The following KIAA2012 variants were observed in gnomAD, a reference collection of about 807,000 sequenced individuals.
The protein encoded by KIAA2012 is KIAA2012.
A neutral mutation model predicts 150.6 loss-of-function variants in KIAA2012; 125 were observed. The observed-to-expected ratio is 0.83, with a 90% CI of 0.72 to 0.96. KIAA2012 has a LOEUF of 0.96. KIAA2012 is among the 40% of genes least tolerant of loss of function. The pLI, the probability that KIAA2012 is intolerant of heterozygous loss-of-function variation, is 0.00. For synonymous variants in KIAA2012, 462 were observed against 504.7 expected, an observed-to-expected ratio of 0.92 and a Z score of 1.13; for missense variants, 1,219 against 1,354.9, an observed-to-expected ratio of 0.90 and a Z score of 1.57.
chr2:202,099,054 C>T (rs1464752755), intron 5 of KIAA2012, among the ~76,000 whole-genome samples: 1 of 152,032 alleles, frequency 6.6e-6, no homozygotes, highest in Non-Finnish European at 1.5e-5. Context: ...GAGGTGCTAC[C>T]ACAGTTCACT....
chr2:202,185,289 C>T (rs1001971175), intron 16 of KIAA2012, among the ~76,000 whole-genome samples: 4 of 152,134 alleles, frequency 2.6e-5, no homozygotes, highest in Non-Finnish European at 4.4e-5. Context: ...ACTGTACTTA[C>T]GCGCTTACTG....
At chr2:202,204,207 G>A (rs570699385) in intron 23 of KIAA2012, among the ~76,000 whole-genome samples, 2 of 151,738 alleles carry the variant, frequency 1.3e-5, no homozygotes, top group African/African-American at 4.8e-5. Flanking sequence ...CTCCCAAGTA[G>A]CTGAGACTAT....
Position 202,075,036 on chromosome 2 carries a change from G to T in KIAA2012, c.230G>T (p.Gly77Val), listed in dbSNP as rs1310750376. 1 of 1,550,580 alleles carries T rather than the reference G, an allele frequency of 6.4e-7. No individual in the cohort carries two copies. Among genetic ancestry groups the T allele is most frequent in the Admixed American group, 2.0e-5 (1 of 50,998 alleles). The change falls in exon 2 of 24, where the codon GGT becomes GTT. Residue 77 changes from glycine to valine, a missense_variant. Coordinates refer to ENST00000498697, the MANE Select transcript of KIAA2012 (RefSeq NM_001277372.4). The part of the protein sequence containing the change: ...RKGALILYSE[G>V]FAISAWTPKE... ...GGTGCCCTGATCCTGTACTCAGAAG[G>T]TTTTGCCATTTCGGCATGGACACCC...
Position 202,104,827 on chromosome 2 carries a change from G to A in KIAA2012, c.1325-934G>A, listed in dbSNP as rs1056358811. On this transcript the variant is annotated intron_variant, in intron 8 of 23. Coordinates refer to ENST00000498697, the MANE Select transcript of KIAA2012 (RefSeq NM_001277372.4). This position sits in a 1 kb window ranked among gnomAD's most constrained non-coding sequence, Gnocchi z 4.3. ...TCAGGTCCCAGACATCAAAACATCA[G>A]AATGAAAAGATACACTTAATAAAAA... is the stretch of plus-strand genomic sequence containing the variant. 6.6e-6 allele frequency among the ~76,000 whole-genome samples: 1 copy of A among 152,170 alleles called. No individual in the cohort carries two copies. Among genetic ancestry groups the A allele is most frequent in the African/African-American group, 2.4e-5 (1 of 41,434 alleles).
chr2:202,184,621 T>G lies in KIAA2012; in HGVS notation c.2120-132T>G, dbSNP rs1692187235. On this transcript the variant is annotated intron_variant, in intron 15 of 23. Coordinates refer to ENST00000498697, the MANE Select transcript of KIAA2012 (RefSeq NM_001277372.4). ...GTTTCTGAAGTATTTGCTAATTTTC[T>G]GGGTATAGCATACGTCATTGTTCTA... 8 of 494,822 alleles carry G rather than the reference T, an allele frequency of 1.6e-5. No homozygotes were observed. The East Asian group carries it at 2.8e-4, about 17-fold the overall frequency. The allele number at this position is 494,822 out of a possible 1,614,324, so 30.7% of individuals were successfully genotyped here.
intron 11 of KIAA2012, among the ~76,000 whole-genome samples, chr2:202,122,891 G>A (rs1474008240): frequency 6.6e-6 from 1 of 152,126 alleles, no homozygotes. Context: ...GTAATTAAGC[G>A]AAAACAACAA....
chr2:202,170,090 T>C (rs1691854693), intron 15 of KIAA2012, among the ~76,000 whole-genome samples: 1 of 152,182 alleles, frequency 6.6e-6, no homozygotes. Context: ...CTTCACTGTG[T>C]CCTACATAAA....
chr2:202,088,791 C>T (rs550392506), intron 2 of KIAA2012, among the ~76,000 whole-genome samples: 10 of 152,304 alleles, frequency 6.6e-5, no homozygotes, highest in African/African-American at 2.4e-4. Flanking sequence ...CCCACAATAT[C>T]GAGCCCCTAG....
At chr2:202,173,693 T>C (rs970780938) in intron 15 of KIAA2012, among the ~76,000 whole-genome samples, 5 of 152,218 alleles carry the variant, frequency 3.3e-5, no homozygotes, top group Admixed American at 3.3e-4. Flanking sequence ...GTATTAACAA[T>C]ACACACAACT....
chr2:202,204,291 G>C (rs527636740), intron 23 of KIAA2012, among the ~76,000 whole-genome samples: 1 of 151,984 alleles, frequency 6.6e-6, no homozygotes, highest in South Asian at 2.1e-4. Flanking sequence ...TGCTCAGGCT[G>C]GTCTCAAAAT....
chr2:202,116,489 T>TG (rs1690530232), intron 11 of KIAA2012: 1 of 155,264 alleles, frequency 6.4e-6, no homozygotes, highest in Admixed American at 6.8e-5. Context: ...TTTTTTTTTT[T>TG]GAGATGGGGT....
intron 22 of KIAA2012, among the ~76,000 whole-genome samples, chr2:202,201,000 C>T (rs1266645447): frequency 6.6e-6 from 1 of 152,168 alleles, no homozygotes. Flanking sequence ...GCCACCGCGC[C>T]TGGCCGTAAT....
intron 5 of KIAA2012, 95 bp downstream of exon 5, chr2:202,097,672 C>A: frequency 2.2e-6 from 3 of 1,359,350 alleles, no homozygotes; most frequent in South Asian, 1.4e-5. Flanking sequence ...TCACTGCAAC[C>A]TCCGCCTCCT....
In KIAA2012 at chr2:202,093,163, A is replaced by G. The variant is rs772645957; in HGVS notation, c.663A>G (p.Gln221=). The change falls in exon 4 of 24, where the codon CAA becomes CAG. Residue 221 remains glutamine (Q), a synonymous_variant. Coordinates refer to ENST00000498697, the MANE Select transcript of KIAA2012 (RefSeq NM_001277372.4). ...LLPVFPSFWI[Q]QGKSFEQRQQ... is the part of the protein sequence containing the mutation. ...CTGTCTTCCCTTCATTTTGGATTCA[A>G]CAAGGAAAATCTTTTGAACAACGTA... 1.3e-6 allele frequency: 2 copies of G among 1,551,242 alleles called. No homozygotes were observed. Among genetic ancestry groups the G allele is most frequent in the Non-Finnish European group, 1.7e-6 (2 of 1,147,122 alleles).
At chr2:202,158,445 TG>T (rs1252810064) in intron 14 of KIAA2012, among the ~76,000 whole-genome samples, 2 of 152,212 alleles carry the variant, frequency 1.3e-5, no homozygotes, top group Non-Finnish European at 2.9e-5. Flanking sequence ...AGCACAATGT[TG>T]TGGCAGAGGC....
chr2:202,133,761 C>A (rs1266747148), intron 12 of KIAA2012, among the ~76,000 whole-genome samples: 2 of 152,174 alleles, frequency 1.3e-5, no homozygotes, highest in African/African-American at 4.8e-5. Flanking sequence ...AAATCTCGTC[C>A]CAAGAATTTG....
At chr2:202,188,487 A>G (rs554700755) in intron 18 of KIAA2012, among the ~76,000 whole-genome samples, 1 of 152,316 alleles carries the variant, frequency 6.6e-6, no homozygotes, top group South Asian at 2.1e-4. Context: ...TCACCAAGAA[A>G]GGAAATTATA....
chr2:202,117,700 A>G (rs1162522528), intron 11 of KIAA2012, among the ~76,000 whole-genome samples: 2 of 152,212 alleles, frequency 1.3e-5, no homozygotes, highest in Admixed American at 6.5e-5. Flanking sequence ...TCGAACTCCA[A>G]TTCCTCAGAA....
At chr2:202,186,045 A>C (rs966151354) in intron 16 of KIAA2012, among the ~76,000 whole-genome samples, 5 of 152,228 alleles carry the variant, frequency 3.3e-5, no homozygotes, top group African/African-American at 1.2e-4. Flanking sequence ...CAGAGCAGGC[A>C]CACAGTAACT....
Sources: allele counts gnomAD v4.1 joint callset (sites outside exome capture counted in the v4.1 genomes callset), GRCh38; gene constraint gnomAD v4.1.1; non-coding constraint Gnocchi (gnomAD v3.1); transcripts MANE v1.5; gene names NCBI Gene and HGNC (gene_info 2026-07-23, HGNC 2026-07-21).